Variants in AURKC observed in about 807,000 individuals in gnomAD.
The protein encoded by AURKC is ARK-3.
A neutral mutation model predicts 29.2 loss-of-function variants in AURKC; 15 were observed. The ratio of observed to expected loss-of-function variants is 0.51; its 90% confidence interval spans 0.34 to 0.79. The LOEUF (loss-of-function observed/expected upper bound fraction) is 0.79, where lower values mean the gene tolerates loss of function less well. Among genes scored for constraint, AURKC ranks in the 30% least tolerant of loss-of-function variants. The pLI is 0.01. For synonymous variants in AURKC, 150 were observed against 149.9 expected (o/e 1.00, Z -0.01); for missense variants, 332 against 383.2 (o/e 0.87, Z 1.12).
In AURKC at chr19:57,231,286, C is replaced by T; in HGVS notation, c.38C>T (p.Ala13Val). The T allele has an allele frequency of 5.2e-6, 8 of 1,553,028 alleles. No homozygotes were observed. The highest frequency in any genetic ancestry group is 7.0e-6 in the Non-Finnish European group (8 of 1,147,722). The change falls in exon 1 of 7, where the codon GCT becomes GTT. Residue 13 changes from alanine to valine, a missense_variant. By Grantham distance (64) the Ala-to-Val change is moderately conservative. Coordinates refer to ENST00000302804, the MANE Select transcript of AURKC (RefSeq NM_001015878.2). Reference sequence around the variant, plus strand: ...AGAGCTGTGGTGCAGCTGGGCAAAGCTCAACCTGCAGGCGAAGAGTGTGAG... The same window carrying T: ...AGAGCTGTGGTGCAGCTGGGCAAAGTTCAACCTGCAGGCGAAGAGTGTGAG... ...SPRAVVQLGK[A>V]QPAGEELATA...
At chr19:57,233,155 C>G (rs913363409) in intron 4 of AURKC, among the ~76,000 whole-genome samples, 14 of 152,240 alleles carry the variant, frequency 9.2e-5, no homozygotes, top group African/African-American at 2.9e-4. Flanking sequence ...TTCACTTCCT[C>G]GGGCCTCAAG....
In AURKC at chr19:57,235,300, C is replaced by T; in HGVS notation, c.813C>T (p.Ser271=). 1 of 1,614,156 alleles carries T rather than the reference C, an allele frequency of 6.2e-7. No individual in the cohort carries two copies. The highest frequency in any genetic ancestry group is 8.5e-7 in the Non-Finnish European group (1 of 1,180,038). The change falls in exon 7 of 7, where the codon TCC becomes TCT. Residue 271 remains serine (S), a synonymous_variant. Transcript: ENST00000302804. ...SMPLGARDLI[S]RLLRYQPLER... ...CTCTGGGGGCCCGGGACTTGATTTC[C>T]AGGCTTCTCAGATACCAGCCCTTGG...
chr19:57,235,532 T>C lies in AURKC; in HGVS notation c.*115T>C. 1 of 1,280,848 alleles carries C rather than the reference T, an allele frequency of 7.8e-7. No individual in the cohort carries two copies. The highest frequency in any genetic ancestry group is 1.1e-6 in the Non-Finnish European group (1 of 893,276). The allele number at this position is 1,280,848 out of a possible 1,614,324, so 79.3% of individuals were successfully genotyped here. A position where few individuals can be genotyped will look rare whatever the true frequency, so the allele number is the denominator to read the frequency against. On this transcript the variant is annotated 3_prime_UTR_variant, in exon 7 of 7. Coordinates refer to ENST00000302804, the MANE Select transcript of AURKC (RefSeq NM_001015878.2). The stretch of plus-strand genomic sequence containing the variant: ...ATGTAAGATGCTAATTAATAAAAGC[T>C]GAATCATTTCATACCAGCTCTTCAT...
chr19:57,235,329 G>A lies in AURKC; in HGVS notation c.842G>A (p.Arg281Lys). 1 of 1,614,130 alleles carries A rather than the reference G, an allele frequency of 6.2e-7. No homozygotes were observed. The highest frequency in any genetic ancestry group is 1.1e-5 in the South Asian group (1 of 91,080). The change falls in exon 7 of 7, where the codon AGA becomes AAA. Residue 281 changes from arginine to lysine, a missense_variant. Coordinates refer to ENST00000302804, the MANE Select transcript of AURKC (RefSeq NM_001015878.2). ...CTTCTCAGATACCAGCCCTTGGAGAGACTGCCCCTGGCCCAGATCCTGAAG... is the reference window on the plus strand; with the variant it reads ...CTTCTCAGATACCAGCCCTTGGAGAAACTGCCCCTGGCCCAGATCCTGAAG... ...SRLLRYQPLE[R>K]LPLAQILKHP...
At chr19:57,233,632 G>T (rs1254623633) in intron 5 of AURKC, 24 bp downstream of exon 5, 9 of 1,613,074 alleles carry the variant, frequency 5.6e-6, no homozygotes, top group Non-Finnish European at 6.8e-6. Flanking sequence ...TGGTGGTAGG[G>T]TGAGTTCTGA....
Position 57,231,105 on chromosome 19 carries a change from T to C in AURKC, c.-144T>C. On this transcript the variant is annotated 5_prime_UTR_variant, in exon 1 of 7. Coordinates refer to ENST00000302804, the MANE Select transcript of AURKC (RefSeq NM_001015878.2). Reference sequence around the variant, plus strand: ...GCGGATCCCGAAGCCTGTGTAGCAGTGAGACATCAGTGAGGCTGCAGGACG... The same window carrying C: ...GCGGATCCCGAAGCCTGTGTAGCAGCGAGACATCAGTGAGGCTGCAGGACG... The C allele has an allele frequency of 6.5e-7, 1 of 1,527,908 alleles. No individual in the cohort carries two copies. Among genetic ancestry groups the C allele is most frequent in the Non-Finnish European group, 8.9e-7 (1 of 1,125,264 alleles). The allele number at this position is 1,527,908 out of a possible 1,614,324, so 94.6% of individuals were successfully genotyped here.
rs919273503 is a variant in AURKC at position 57,232,506 on chromosome 19, G to A, written c.297-36G>A. ...CGGTGGCATCATATGATAGGCCTCAGGGAGAAATCTGACTCTTCCAACATT... is the reference window on the plus strand; with the variant it reads ...CGGTGGCATCATATGATAGGCCTCAAGGAGAAATCTGACTCTTCCAACATT... On this transcript the variant is annotated intron_variant, in intron 3 of 6. Coordinates refer to ENST00000302804, the MANE Select transcript of AURKC (RefSeq NM_001015878.2). The surrounding 1 kb of genome is among the most constrained non-coding windows in gnomAD (Gnocchi z 4.5). The A allele has an allele frequency of 6.2e-7, 1 of 1,613,980 alleles. No individual in the cohort carries two copies. Among genetic ancestry groups the A allele is most frequent in the Non-Finnish European group, 8.5e-7 (1 of 1,180,020 alleles).
rs2087515117 is a variant in AURKC at position 57,233,535 on chromosome 19, A to T, written c.511A>T (p.Asn171Tyr). The change falls in exon 5 of 7, where the codon AAC (asparagine) becomes TAC (tyrosine). Residue 171 changes from asparagine to tyrosine, a missense_variant. Asn to Tyr is a moderately radical substitution (Grantham distance 143, BLOSUM62 -2). Transcript: ENST00000302804. The stretch of plus-strand genomic sequence containing the variant: ...GATTCACAGAGATATTAAGCCAGAG[A>T]ACCTGCTGCTGGGGTTCAGGGGTGA... Reference protein sequence around the residue: ...KVIHRDIKPENLLLGFRGEVK... With the variant: ...KVIHRDIKPEYLLLGFRGEVK... 6.2e-7 allele frequency: 1 copy of T among 1,614,052 alleles called. No individual in the cohort carries two copies. The highest frequency in any genetic ancestry group is 1.3e-5 in the African/African-American group (1 of 74,918).
rs1382966715 is a variant in AURKC at position 57,232,966 on chromosome 19, T to C, written c.435+286T>C. Among the ~76,000 whole-genome samples, 2 of 152,152 alleles carry C rather than the reference T, an allele frequency of 1.3e-5. No homozygotes were observed. Among genetic ancestry groups the C allele is most frequent in the African/African-American group, 2.4e-5 (1 of 41,424 alleles). On this transcript the variant is annotated intron_variant, in intron 4 of 6. Transcript: ENST00000302804. This position sits in a 1 kb window ranked among gnomAD's most constrained non-coding sequence, Gnocchi z 4.5. ...CCACTGCCTTATGTAAAGAAACATA[T>C]TGAAAGGCTCTGAAGGAGTTCACTG...
Position 57,235,496 on chromosome 19 carries a change from T to C in AURKC, c.*79T>C. 1 of 1,560,850 alleles carries C rather than the reference T, an allele frequency of 6.4e-7. No homozygotes were observed. The highest frequency in any genetic ancestry group is 8.8e-7 in the Non-Finnish European group (1 of 1,138,028). ...GCCACCTCATTTGTCTTTATTTTTT[T>C]CTCTTTTAAGATGTAAGATGCTAAT... is the stretch of plus-strand genomic sequence containing the variant. On this transcript the variant is annotated 3_prime_UTR_variant, in exon 7 of 7. Coordinates refer to ENST00000302804, the MANE Select transcript of AURKC (RefSeq NM_001015878.2).
rs200712786 is a variant in AURKC, at chr19:57,231,775, G to A, written c.92G>A (p.Ser31Asn). ...GCAAACCAAACAGCCCAGCAGCCCA[G>A]CAGCCCAGCCATGTGAGTCCCTTGG... Reference protein sequence around the residue: ...ATANQTAQQPSSPAMRRLTVD... With the variant: ...ATANQTAQQPNSPAMRRLTVD... Residue 31 changes from serine (S) to asparagine (N), a missense_variant, in exon 2 of 7, where the codon AGC becomes AAC. Physicochemically the swap from Ser to Asn is conservative, Grantham distance 46. Transcript: ENST00000302804. The A allele has an allele frequency of 3.7e-6, 6 of 1,613,864 alleles. No homozygotes were observed. Among genetic ancestry groups the A allele is most frequent in the Non-Finnish European group, 5.1e-6 (6 of 1,179,996 alleles).
rs776824440 is a variant in AURKC, at chr19:57,232,030, C to A, written c.105-3C>A. On this transcript the variant is annotated splice_region_variant and splice_polypyrimidine_tract_variant and intron_variant, in intron 2 of 6. Coordinates refer to ENST00000302804, the MANE Select transcript of AURKC (RefSeq NM_001015878.2). This position sits in a 1 kb window ranked among gnomAD's most constrained non-coding sequence, Gnocchi z 4.5. ...TGAGGCTTTTTTCTTCCTCTCCTGT[C>A]AGGCGGCGCCTCACAGTCGATGACT... is the stretch of plus-strand genomic sequence containing the variant. 1 of 1,614,098 alleles carries A rather than the reference C, an allele frequency of 6.2e-7. No individual in the cohort carries two copies. The highest frequency in any genetic ancestry group is 1.7e-5 in the Admixed American group (1 of 60,010).
In AURKC at chr19:57,232,708, G is replaced by A. The variant is rs757432491; in HGVS notation, c.435+28G>A. ...GAGGTGCGGGTCTGGAGGCTCTGGG[G>A]TCTCTGAGTTTACTGTGGGCTGGTG... On this transcript the variant is annotated intron_variant, in intron 4 of 6. Coordinates refer to ENST00000302804, the MANE Select transcript of AURKC (RefSeq NM_001015878.2). The surrounding 1 kb of genome is among the most constrained non-coding windows in gnomAD (Gnocchi z 4.5). 6.2e-7 allele frequency: 1 copy of A among 1,612,350 alleles called. No individual in the cohort carries two copies. Among genetic ancestry groups the A allele is most frequent in the South Asian group, 1.1e-5 (1 of 91,012 alleles).
Position 57,231,677 on chromosome 19 carries a change from C to G in AURKC, c.59-65C>G. ...CTTCTCTACTGTTCTCCTCTCCTCT[C>G]TTTCTCTCCCCTTCTCCTTCCCTCC... On this transcript the variant is annotated intron_variant, in intron 1 of 6. Transcript: ENST00000302804. 4.4e-6 allele frequency: 7 copies of G among 1,591,358 alleles called. No individual in the cohort carries two copies. In the South Asian group the frequency reaches 7.7e-5, roughly 18 times the overall value.
rs747748648 is a variant in AURKC at position 57,233,464 on chromosome 19, T to C, written c.440T>C (p.Ile147Thr). The change falls in exon 5 of 7, where the codon ATA (isoleucine) becomes ACA (threonine). Residue 147 changes from isoleucine (I) to threonine (T), a missense_variant. Coordinates refer to ENST00000302804, the MANE Select transcript of AURKC (RefSeq NM_001015878.2). ...KLDEQRTATI[I>T]EELADALTYC... ...GACTTTTCTTTGCACCCACAGATAA[T>C]AGAGGAGTTGGCAGATGCCCTGACC... 3.8e-5 allele frequency: 62 copies of C among 1,614,010 alleles called. No individual in the cohort carries two copies. The highest frequency in any genetic ancestry group is 5.3e-5 in the African/African-American group (4 of 74,914).
intron 1 of AURKC, 118 bp from the exon 2 acceptor site, chr19:57,231,624 C>A: frequency 9.2e-7 from 1 of 1,086,162 alleles, no homozygotes; most frequent in Non-Finnish European, 1.4e-6. Context: ...TCCTCCCCTT[C>A]TTCCCCTCAC....
Position 57,233,892 on chromosome 19 carries a change from C to T in AURKC, c.584+284C>T, listed in dbSNP as rs112452572. Among the ~76,000 whole-genome samples the T allele has an allele frequency of 0.034, 5,208 of 151,554 alleles. 296 individuals carry two copies. Among genetic ancestry groups the T allele is most frequent in the African/African-American group, 0.12 (4,960 of 41,276 alleles). On this transcript the variant is annotated intron_variant, in intron 5 of 6. Coordinates refer to ENST00000302804, the MANE Select transcript of AURKC (RefSeq NM_001015878.2). ...GATAACAGGCATGTGCCACCACACT[C>T]GGCTAATTTTTGTATTTTTAGTAGA...
Position 57,234,865 on chromosome 19 carries a change from C to G in AURKC, c.585-19C>G. 3 of 1,614,096 alleles carry G rather than the reference C, an allele frequency of 1.9e-6. No individual in the cohort carries two copies. Among genetic ancestry groups the G allele is most frequent in the Middle Eastern group, 3.3e-4 (2 of 6,058 alleles). On this transcript the variant is annotated intron_variant, in intron 5 of 6. Transcript: ENST00000302804. ...TGGGCCTCTGCTTAGTACTTATTCCCTTTTCTGCCTTCCTCTAGGAGGAAG... is the reference window on the plus strand; with the variant it reads ...TGGGCCTCTGCTTAGTACTTATTCCGTTTTCTGCCTTCCTCTAGGAGGAAG...
chr19:57,235,366 TCAGGCCCA>T lies in AURKC; in HGVS notation c.881_888del (p.Gln294LeufsTer46). The stretch of plus-strand genomic sequence containing the variant: ...CCCAGATCCTGAAGCACCCCTGGGT[TCAGGCCCA>T]CTCCCGAAGGGTGCTGCCTCCCTGT... On this transcript the variant is annotated frameshift_variant, in exon 7 of 7. Transcript: ENST00000302804. LOFTEE classifies it high-confidence loss of function. The T allele has an allele frequency of 6.2e-7, 1 of 1,614,114 alleles. No homozygotes were observed. Among genetic ancestry groups the T allele is most frequent in the Non-Finnish European group, 8.5e-7 (1 of 1,180,024 alleles).
Sources: allele counts gnomAD v4.1 joint callset (sites outside exome capture counted in the v4.1 genomes callset), GRCh38; gene constraint gnomAD v4.1.1; non-coding constraint Gnocchi (gnomAD v3.1); transcripts MANE v1.5; gene names NCBI Gene and HGNC (gene_info 2026-07-23, HGNC 2026-07-21).